UNC13C: variants seen among roughly 807,000 people sequenced by gnomAD.
The protein encoded by UNC13C is protein unc-13 homolog C.
In UNC13C, 174 loss-of-function variants were observed where a neutral mutation model predicts 245.4. That is an observed-to-expected ratio of 0.71 (90% CI 0.63 to 0.80). UNC13C has a LOEUF of 0.80. Ranked by LOEUF, UNC13C falls within the 30% of genes least tolerant of loss-of-function variation. The pLI, the probability that UNC13C is intolerant of heterozygous loss-of-function variation, is 0.00. For missense variants in UNC13C, 2,829 were observed against 2,602.9 expected, an observed-to-expected ratio of 1.09 and a Z score of -1.89; for synonymous variants, 992 against 895.1, an observed-to-expected ratio of 1.11 and a Z score of -1.93.
chr15:53,939,651 G>A, the UNC13C span, among the ~76,000 whole-genome samples: 3 of 152,254 alleles, frequency 2.0e-5, no homozygotes, highest in South Asian at 2.1e-4. Flanking sequence ...AATCAAGTTG[G>A]CTTCATCCCT....
intron 19 of UNC13C, among the ~76,000 whole-genome samples, chr15:54,472,486 A>G (rs34362524): frequency 0.44 from 66,939 of 151,516 alleles, 15,097 homozygotes; most frequent in East Asian, 0.71. Context: ...ATGTTTTCAT[A>G]TCAGTAATTA....
At chr15:54,521,874 C>T (rs1895230171) in intron 24 of UNC13C, among the ~76,000 whole-genome samples, 1 of 152,218 alleles carries the variant, frequency 6.6e-6, no homozygotes, top group Non-Finnish European at 1.5e-5. Flanking sequence ...TCTATCCTCA[C>T]TTCCTTCCTC....
At chr15:54,611,584 C>T (rs1194595211) in intron 30 of UNC13C, 1 of 152,060 alleles carries the variant, frequency 6.6e-6, no homozygotes, top group Non-Finnish European at 1.5e-5. Flanking sequence ...CTGAAAGATT[C>T]AACTATTTTA....
intron 24 of UNC13C, among the ~76,000 whole-genome samples, chr15:54,520,745 GA>G (rs1384262307): frequency 3.3e-5 from 5 of 152,256 alleles, no homozygotes; most frequent in Non-Finnish European, 7.4e-5. Flanking sequence ...TAAGGTCCTT[GA>G]AATTAAGAAA....
At chr15:54,590,819 C>A (rs1898747533) in intron 30 of UNC13C, among the ~76,000 whole-genome samples, 1 of 152,138 alleles carries the variant, frequency 6.6e-6, no homozygotes. Flanking sequence ...GCTAGGATTT[C>A]CAGTACTGTG....
the UNC13C span, among the ~76,000 whole-genome samples, chr15:53,867,919 C>A: frequency 6.6e-6 from 1 of 152,288 alleles, no homozygotes; most frequent in South Asian, 2.1e-4. Context: ...CAGCCTGGAT[C>A]TCCCAGGCTC....
At chr15:54,007,452 TC>T (rs1195619200) in intron 1 of UNC13C, among the ~76,000 whole-genome samples, 2 of 152,150 alleles carry the variant, frequency 1.3e-5, no homozygotes, top group African/African-American at 2.4e-5. Context: ...GATGTCATGT[TC>T]TTTGCAGGGA....
Position 54,012,778 on chromosome 15 carries a change from C to A in UNC13C, c.-126C>A, listed in dbSNP as rs1214290316. 8.2e-6 allele frequency: 6 copies of A among 728,792 alleles called. No homozygotes were observed. The highest frequency in any genetic ancestry group is 1.1e-5 in the Non-Finnish European group (5 of 438,802). The allele number at this position is 728,792 out of a possible 1,614,324, so 45.1% of individuals were successfully genotyped here. A position where few individuals can be genotyped will look rare whatever the true frequency, so the allele number is the denominator to read the frequency against. ...CGACAATGTGGCAGAGCCATGCCTG[C>A]CCTTCCTGCTCTTTCCAGTGATTCA... On this transcript the variant is annotated 5_prime_UTR_variant, in exon 2 of 33. The change creates a premature stop within an existing upstream ORF in the 5' untranslated region. Transcript: ENST00000260323.
intron 23 of UNC13C, 143 bp downstream of exon 23, chr15:54,507,337 T>C: frequency 1.6e-6 from 1 of 608,038 alleles, no homozygotes; most frequent in Non-Finnish European, 2.8e-6. Context: ...TGGAAACTTC[T>C]CCAGGGTTCT....
chr15:54,579,949 A>G (rs966513089), intron 30 of UNC13C, among the ~76,000 whole-genome samples: 2 of 152,146 alleles, frequency 1.3e-5, no homozygotes, highest in African/African-American at 4.8e-5. Flanking sequence ...TAGCTATGAT[A>G]CTTTTTAATA....
chr15:54,285,709 AT>A (rs1467312901), intron 10 of UNC13C, among the ~76,000 whole-genome samples: 1 of 152,104 alleles, frequency 6.6e-6, no homozygotes, highest in South Asian at 2.1e-4. Flanking sequence ...TTGAAACTAC[AT>A]TTTTTATTGT....
intron 19 of UNC13C, among the ~76,000 whole-genome samples, chr15:54,453,395 G>A (rs1351335992): frequency 3.3e-5 from 5 of 152,278 alleles, no homozygotes; most frequent in East Asian, 1.9e-4. Context: ...TCTATTGAAA[G>A]CATGACTACC....
At chr15:53,945,455 T>C in the UNC13C span, among the ~76,000 whole-genome samples, 1 of 152,212 alleles carries the variant, frequency 6.6e-6, no homozygotes, top group Non-Finnish European at 1.5e-5. Flanking sequence ...TTCAGTCTTC[T>C]GCATATGGCT....
chr15:54,610,704 C>T (rs1436525092), intron 30 of UNC13C, among the ~76,000 whole-genome samples: 1 of 152,192 alleles, frequency 6.6e-6, no homozygotes, highest in Non-Finnish European at 1.5e-5. Flanking sequence ...AGAACTATTA[C>T]TCCTATTTTA....
At position 54,297,573 on chromosome 15, in the gene UNC13C, C is replaced by T. The variant is rs557542998; in HGVS notation, c.3989-238C>T. Among the ~76,000 whole-genome samples, 7 of 152,172 alleles carry T rather than the reference C, an allele frequency of 4.6e-5. No individual in the cohort carries two copies. The South Asian group carries it at 1.5e-3, about 32-fold the overall frequency. On this transcript the variant is annotated intron_variant, in intron 11 of 32. Coordinates refer to ENST00000260323, the MANE Select transcript of UNC13C (RefSeq NM_001080534.3). ...CTTGCTATGTTGCCTAGGCTGGTCT[C>T]AAACTCCTAGCATTAAGTGGTCCTC... is the stretch of plus-strand genomic sequence containing the variant.
intron 30 of UNC13C, among the ~76,000 whole-genome samples, chr15:54,609,644 G>C (rs567588976): frequency 1.3e-5 from 2 of 152,234 alleles, no homozygotes; most frequent in Admixed American, 6.5e-5. Flanking sequence ...AACACCATCT[G>C]TGTGTATTGT....
At chr15:54,457,886 CT>C (rs1891617562) in intron 19 of UNC13C, among the ~76,000 whole-genome samples, 2 of 109,024 alleles carry the variant, frequency 1.8e-5, no homozygotes, top group Admixed American at 9.9e-5. Flanking sequence ...TTCTGCTCTG[CT>C]TTTCGTTTTT....
intron 2 of UNC13C, among the ~76,000 whole-genome samples, chr15:54,057,765 C>T (rs958348538): frequency 1.3e-5 from 2 of 152,212 alleles, no homozygotes; most frequent in Non-Finnish European, 2.9e-5. Flanking sequence ...AACTGTCTCT[C>T]AGACCACAGT....
At chr15:54,538,352 C>T (rs1323916395) in intron 26 of UNC13C, among the ~76,000 whole-genome samples, 1 of 151,952 alleles carries the variant, frequency 6.6e-6, no homozygotes. Context: ...ATAACAGATC[C>T]TGATGAGGTT....
Sources: allele counts gnomAD v4.1 joint callset (sites outside exome capture counted in the v4.1 genomes callset), GRCh38; gene constraint gnomAD v4.1.1; transcripts MANE v1.5; gene names NCBI Gene and HGNC (gene_info 2026-07-23, HGNC 2026-07-21).